Variants in SMARCD3 observed in about 807,000 individuals in gnomAD.
SMARCD3 encodes the protein SWI/SNF related BAF chromatin remodeling complex subunit D3.
A neutral mutation model predicts 58.0 loss-of-function variants in SMARCD3; 14 were observed. The observed-to-expected ratio is 0.24, with a 90% CI of 0.16 to 0.38. The LOEUF (loss-of-function observed/expected upper bound fraction) is 0.38. Ranked by LOEUF, SMARCD3 falls within the 10% of genes least tolerant of loss-of-function variation. The pLI is 1.00. For missense variants in SMARCD3, 408 were observed against 636.9 expected (o/e 0.64, Z 3.87); for synonymous variants, 253 against 253.8 (o/e 1.00, Z 0.03).
At position 151,241,105 on chromosome 7, in the gene SMARCD3, G is replaced by A. The variant is rs1802965431; in HGVS notation, c.939+387C>T. ...CTGCCCAGGAGAGTAGATAGGACAG[G>A]TATTGTCACTCCACTTCAAAGATAA... On this transcript the variant is annotated intron_variant, in intron 8 of 12. Transcript: ENST00000262188. This position sits in a 1 kb window ranked among gnomAD's most constrained non-coding sequence, Gnocchi z 5.3. 3.1e-6 allele frequency: 1 copy of A among 325,566 alleles called. No individual in the cohort carries two copies. The highest frequency in any genetic ancestry group is 6.0e-6 in the Non-Finnish European group (1 of 167,644). The allele number at this position is 325,566 out of a possible 1,614,324, so 20.2% of individuals were successfully genotyped here.
At chr7:151,261,815 C>T (rs1563685535) in intron 2 of SMARCD3, among the ~76,000 whole-genome samples, 1 of 152,188 alleles carries the variant, frequency 6.6e-6, no homozygotes, top group Non-Finnish European at 1.5e-5. Flanking sequence ...CGGGTACAAG[C>T]GAGGGCCGAG....
At position 151,242,898 on chromosome 7, in the gene SMARCD3, T is replaced by C. The variant is rs1803071120; in HGVS notation, c.334-55A>G. The C allele has an allele frequency of 1.3e-6, 2 of 1,599,430 alleles. No individual in the cohort carries two copies. The highest frequency in any genetic ancestry group is 1.1e-5 in the South Asian group (1 of 89,364). On this transcript the variant is annotated intron_variant, in intron 3 of 12. Coordinates refer to ENST00000262188, the MANE Select transcript of SMARCD3 (RefSeq NM_001003801.2). This position sits in a 1 kb window ranked among gnomAD's most constrained non-coding sequence, Gnocchi z 4.7. ...GAGGCTCAAGTCCAGGGTTGTACCATGGAATGTATGCATGTTGTGCAATCC... is the reference window on the plus strand; with the variant it reads ...GAGGCTCAAGTCCAGGGTTGTACCACGGAATGTATGCATGTTGTGCAATCC...
At chr7:151,250,022 G>A (rs955101630), upstream of SMARCD3, among the ~76,000 whole-genome samples, 2 of 152,116 alleles carry the variant, frequency 1.3e-5, no homozygotes, top group African/African-American at 4.8e-5. Context: ...GTGAGGGCAG[G>A]ACCATAGCCT....
chr7:151,257,918 A>G (rs1472924191), intron 2 of SMARCD3, among the ~76,000 whole-genome samples: 1 of 152,028 alleles, frequency 6.6e-6, no homozygotes, highest in Non-Finnish European at 1.5e-5. Flanking sequence ...CAGTCCTTGG[A>G]CGCATCTATC....
intron 2 of SMARCD3, among the ~76,000 whole-genome samples, chr7:151,263,903 G>A (rs1803996937): frequency 6.6e-6 from 1 of 152,130 alleles, no homozygotes; most frequent in East Asian, 1.9e-4. Flanking sequence ...GCTCACAGGG[G>A]TGACTCCACC....
intron 1 of SMARCD3, among the ~76,000 whole-genome samples, chr7:151,247,200 C>G (rs940220033): frequency 2.6e-5 from 4 of 152,112 alleles, no homozygotes; most frequent in Non-Finnish European, 5.9e-5. Context: ...GGGCTCACAG[C>G]CACTCAAGAA....
In SMARCD3 at chr7:151,261,547, G is replaced by A. The variant is rs560484530; in HGVS notation, c.39+13567C>T. On this transcript the variant is annotated intron_variant, in intron 2 of 13. Transcript: ENST00000356800. ...TGGATGTGAAGATTAAAATGTGGTT[G>A]AGCATGTGCAGAATTCAGCACAGTG... Among the ~76,000 whole-genome samples, 217 of 152,300 alleles carry A rather than the reference G, an allele frequency of 1.4e-3. 3 individuals carry two copies. Among genetic ancestry groups the A allele is most frequent in the African/African-American group, 4.9e-3 (205 of 41,556 alleles).
At chr7:151,266,588 T>C (rs1804086845) in intron 2 of SMARCD3, among the ~76,000 whole-genome samples, 1 of 152,256 alleles carries the variant, frequency 6.6e-6, no homozygotes, top group Admixed American at 6.5e-5. Flanking sequence ...CAGACTAATG[T>C]ACACCCTTTG....
At position 151,265,543 on chromosome 7, in the gene SMARCD3, C is replaced by T. The variant is rs765647858; in HGVS notation, c.39+9571G>A. The stretch of plus-strand genomic sequence containing the variant: ...GCTCTGCTCTTCAGGACTCCCAGGG[C>T]GGTCATCACGAGACCTGCCTGCTAG... On this transcript the variant is annotated intron_variant, in intron 2 of 13. Coordinates refer to the SMARCD3 transcript ENST00000356800. Among the ~76,000 whole-genome samples, 10 of 152,332 alleles carry T rather than the reference C, an allele frequency of 6.6e-5. No homozygotes were observed. In the East Asian group the frequency reaches 1.2e-3, roughly 18 times the overall value.
intron 2 of SMARCD3, among the ~76,000 whole-genome samples, chr7:151,269,298 C>T (rs1416995109): frequency 6.6e-6 from 1 of 152,172 alleles, no homozygotes; most frequent in African/African-American, 2.4e-5. Context: ...ACTTAGGCCC[C>T]CACGGGGGAC....
chr7:151,264,015 A>G (rs1804000952), intron 2 of SMARCD3, among the ~76,000 whole-genome samples: 2 of 151,338 alleles, frequency 1.3e-5, no homozygotes, highest in Non-Finnish European at 2.9e-5. Context: ...TTGACCTGCA[A>G]TGATCAGCCA....
chr7:151,241,725 G>A lies in SMARCD3; in HGVS notation c.778-72C>T, dbSNP rs1352361633. 1 of 1,458,046 alleles carries A rather than the reference G, an allele frequency of 6.9e-7. No homozygotes were observed. The highest frequency in any genetic ancestry group is 9.5e-7 in the Non-Finnish European group (1 of 1,054,836). The allele number at this position is 1,458,046 out of a possible 1,614,324, so 90.3% of individuals were successfully genotyped here. ...AGGAGCCCAGGGCCAGGCCATTCAG[G>A]ACTAGGGGGATGTGTTGATTGAGGA... is the stretch of plus-strand genomic sequence containing the variant. On this transcript the variant is annotated intron_variant, in intron 7 of 12. Coordinates refer to ENST00000262188, the MANE Select transcript of SMARCD3 (RefSeq NM_001003801.2). This position sits in a 1 kb window ranked among gnomAD's most constrained non-coding sequence, Gnocchi z 5.3.
chr7:151,262,110 C>T (rs192905042), intron 2 of SMARCD3, among the ~76,000 whole-genome samples: 1 of 150,988 alleles, frequency 6.6e-6, no homozygotes, highest in East Asian at 1.9e-4. Context: ...TTTTTTGAGA[C>T]AGGGTTTTGC....
At chr7:151,274,358 A>G (rs1366074792) in intron 2 of SMARCD3, among the ~76,000 whole-genome samples, 1 of 152,216 alleles carries the variant, frequency 6.6e-6, no homozygotes, top group Non-Finnish European at 1.5e-5. Context: ...TTTTCTGCCC[A>G]GAGCCTCAGT....
In SMARCD3 at chr7:151,246,079, A is replaced by G. The variant is rs1231371715; in HGVS notation, c.79-408T>C. 1.3e-5 allele frequency: 2 copies of G among 153,772 alleles called. No homozygotes were observed. Among genetic ancestry groups the G allele is most frequent in the African/African-American group, 4.8e-5 (2 of 41,472 alleles). 9.5% of individuals were successfully genotyped at this position (153,772 alleles called of 1,614,324 possible). On this transcript the variant is annotated intron_variant, in intron 1 of 12. Transcript: ENST00000262188. The surrounding 1 kb of genome is among the most constrained non-coding windows in gnomAD (Gnocchi z 4.4). ...GGGGCCACTGTGGCTCAAGGAGAAA[A>G]ATGACCTCGCCAAGGTCACACAGCT...
intron 8 of SMARCD3, 188 bp from the exon 9 acceptor site, chr7:151,240,710 G>C: frequency 1.7e-6 from 1 of 590,338 alleles, no homozygotes; most frequent in East Asian, 2.8e-5. Context: ...ACAAGATAGG[G>C]GGTGGGTCAG....
chr7:151,254,723 C>T (rs546981608), intron 2 of SMARCD3, among the ~76,000 whole-genome samples: 2 of 152,302 alleles, frequency 1.3e-5, no homozygotes, highest in South Asian at 4.1e-4. Context: ...CTCCCCATGA[C>T]AGTGTCAGGG....
intron 2 of SMARCD3, among the ~76,000 whole-genome samples, chr7:151,271,233 G>C (rs971055741): frequency 2.0e-5 from 3 of 152,174 alleles, no homozygotes; most frequent in African/African-American, 4.8e-5. Context: ...GTGGGGTGAA[G>C]GTGCTGAAGG....
Position 151,248,429 on chromosome 7 carries a change from T to G in SMARCD3, c.78+56A>C. On this transcript the variant is annotated intron_variant, in intron 1 of 12. Coordinates refer to ENST00000262188, the MANE Select transcript of SMARCD3 (RefSeq NM_001003801.2). The surrounding 1 kb of genome is among the most constrained non-coding windows in gnomAD (Gnocchi z 6.1). ...CCTCCCGGCCCCTCCCGATCAGCCC[T>G]CCATTCAGCCCGAGCCAGCTCGCTT... is the stretch of plus-strand genomic sequence containing the variant. The G allele has an allele frequency of 2.1e-6, 3 of 1,410,030 alleles. No individual in the cohort carries two copies. Among genetic ancestry groups the G allele is most frequent in the Non-Finnish European group, 3.0e-6 (3 of 1,002,154 alleles). 87.3% of individuals were successfully genotyped at this position (1,410,030 alleles called of 1,614,324 possible). A position where few individuals can be genotyped will look rare whatever the true frequency, so the allele number is the denominator to read the frequency against.
Sources: gnomAD v4.1 joint callset for allele counts (sites outside exome capture counted in the v4.1 genomes callset) on GRCh38, gnomAD v4.1.1 for gene constraint, Gnocchi (gnomAD v3.1) non-coding constraint, MANE v1.5 for transcripts, NCBI Gene and HGNC (gene_info 2026-07-23, HGNC 2026-07-21) for gene names.